Variants in SDK1 observed in about 807,000 individuals in gnomAD.
SDK1 encodes sidekick cell adhesion molecule 1, also known as protein sidekick-1.
A neutral mutation model predicts 245.5 loss-of-function variants in SDK1; 157 were observed. The observed-to-expected ratio is 0.64, with a 90% CI of 0.56 to 0.73. SDK1 has a LOEUF of 0.73. Ranked by LOEUF, SDK1 falls within the 30% of genes least tolerant of loss-of-function variation. The pLI is 0.00. For synonymous variants in SDK1, 1,647 were observed against 1,278.5 expected (o/e 1.29, Z -6.15); for missense variants, 3,583 against 3,002.3 (o/e 1.19, Z -4.52).
intron 22 of SDK1, among the ~76,000 whole-genome samples, chr7:4,093,679 C>CG (rs1781951585): frequency 6.6e-6 from 1 of 152,158 alleles, no homozygotes; most frequent in South Asian, 2.1e-4. Context: ...CCGGCGGCGT[C>CG]GACAGCGACA....
chr7:3,619,322 G>T lies in SDK1; in HGVS notation c.458+83G>T, dbSNP rs773080081. 9 of 1,155,908 alleles carry T rather than the reference G, an allele frequency of 7.8e-6. No individual in the cohort carries two copies. In the East Asian group the frequency reaches 1.9e-4, roughly 25 times the overall value. The allele number at this position is 1,155,908 out of a possible 1,614,324, so 71.6% of individuals were successfully genotyped here. On this transcript the variant is annotated intron_variant, in intron 2 of 44. Transcript: ENST00000404826. ...GCCTTACTGGTCATAATAGCACAAT[G>T]AGTGAAAATATTGGATTGAATTTCT...
rs533518307 is a variant in SDK1, at chr7:3,760,337, T to C, written c.714-61113T>C. Among the ~76,000 whole-genome samples the C allele has an allele frequency of 2.5e-4, 38 of 152,320 alleles. No homozygotes were observed. In the South Asian group the frequency reaches 5.8e-3, roughly 23 times the overall value. On this transcript the variant is annotated intron_variant, in intron 4 of 44. Transcript: ENST00000404826. ...CAATTACCAACCACAGCAATGTGCA[T>C]GCATACATTCCCCTTGTTGACCTGT...
chr7:3,564,785 GTTGGTTCTT>G (rs1404779497), intron 1 of SDK1, among the ~76,000 whole-genome samples: 1 of 152,068 alleles, frequency 6.6e-6, no homozygotes, highest in African/African-American at 2.4e-5. Context: ...ACTTTAGAAA[GTTGGTTCTT>G]TTATGAACTA....
chr7:3,958,060 T>A (rs779621349), intron 7 of SDK1: 9 of 469,404 alleles, frequency 1.9e-5, no homozygotes, highest in South Asian at 6.2e-5. Context: ...GTTTTAAAGA[T>A]ACAGTCAATA....
chr7:4,122,137 C>T (rs945920426), intron 25 of SDK1, among the ~76,000 whole-genome samples: 5 of 152,128 alleles, frequency 3.3e-5, no homozygotes, highest in African/African-American at 1.2e-4. Flanking sequence ...TCCGCTCCCC[C>T]TCCTTGTGTT....
In SDK1 at chr7:3,615,458, G is replaced by A. The variant is rs191385289; in HGVS notation, c.299-3622G>A. On this transcript the variant is annotated intron_variant, in intron 1 of 44. Transcript: ENST00000404826. Reference sequence around the variant, plus strand: ...GAACTCTTGGAACAGGACAAGGCTCGACAACTCCTGACTTTGAGTTACATG... The same window carrying A: ...GAACTCTTGGAACAGGACAAGGCTCAACAACTCCTGACTTTGAGTTACATG... 7.2e-5 allele frequency among the ~76,000 whole-genome samples: 11 copies of A among 151,782 alleles called. 1 individual carries two copies. Among genetic ancestry groups the A allele is most frequent in the Admixed American group, 1.3e-4 (2 of 15,208 alleles).
At chr7:3,848,741 G>A (rs1229788298) in intron 5 of SDK1, among the ~76,000 whole-genome samples, 10 of 151,634 alleles carry the variant, frequency 6.6e-5, no homozygotes, top group Non-Finnish European at 1.2e-4. Flanking sequence ...GCGCGATCAC[G>A]GCTCACTGCA....
chr7:4,208,476 C>G lies in SDK1; in HGVS notation c.5401+191C>G, dbSNP rs371418881. On this transcript the variant is annotated intron_variant, in intron 37 of 44. Transcript: ENST00000404826. ...TGTTCTCCCTGTGCCTGGCCTCAGA[C>G]TGGTACACAGTGGCGCTAAATAAAT... Among the ~76,000 whole-genome samples, 9 of 152,352 alleles carry G rather than the reference C, an allele frequency of 5.9e-5. 1 individual carries two copies. In the South Asian group the frequency reaches 1.9e-3, roughly 32 times the overall value.
intron 4 of SDK1, among the ~76,000 whole-genome samples, chr7:3,654,751 T>C (rs1295226262): frequency 6.6e-6 from 1 of 152,228 alleles, no homozygotes; most frequent in Admixed American, 6.5e-5. Flanking sequence ...TAGAATTGCT[T>C]GGTTCCATTC....
At chr7:4,166,923 C>T (rs1781534454) in intron 32 of SDK1, among the ~76,000 whole-genome samples, 1 of 152,190 alleles carries the variant, frequency 6.6e-6, no homozygotes, top group Admixed American at 6.5e-5. Flanking sequence ...ACCGTTCAGG[C>T]AGCTGGAAGG....
chr7:3,892,724 C>T (rs11982345), intron 5 of SDK1, among the ~76,000 whole-genome samples: 30,607 of 152,094 alleles, frequency 0.2, 3,215 homozygotes, highest in Middle Eastern at 0.33. Flanking sequence ...ACCCTGAGAC[C>T]GGAGGCCCTC....
At chr7:3,508,753 G>A (rs1012527295) in intron 1 of SDK1, among the ~76,000 whole-genome samples, 4 of 152,164 alleles carry the variant, frequency 2.6e-5, no homozygotes, top group Non-Finnish European at 5.9e-5. Context: ...AAATTGCCTT[G>A]TAGTGCATTG....
intron 4 of SDK1, among the ~76,000 whole-genome samples, chr7:3,741,155 ACT>A (rs1182728919): frequency 6.6e-6 from 1 of 152,034 alleles, no homozygotes; most frequent in African/African-American, 2.4e-5. Context: ...TGTGCTGAGC[ACT>A]CTCTGAAGTG....
chr7:3,820,748 C>T (rs1382157653), intron 4 of SDK1, among the ~76,000 whole-genome samples: 4 of 152,130 alleles, frequency 2.6e-5, no homozygotes, highest in Admixed American at 6.5e-5. Context: ...GCCTCAGTGG[C>T]GCAGAGAAAG....
intron 41 of SDK1, among the ~76,000 whole-genome samples, chr7:4,234,545 C>G (rs897068101): frequency 6.6e-6 from 1 of 152,142 alleles, no homozygotes; most frequent in Non-Finnish European, 1.5e-5. Context: ...GTCCTGGTCA[C>G]TGAAGAGCCG....
At chr7:3,917,801 C>G (rs181763393) in intron 5 of SDK1, among the ~76,000 whole-genome samples, 6 of 152,300 alleles carry the variant, frequency 3.9e-5, no homozygotes, top group African/African-American at 1.4e-4. Context: ...ACATTATCTA[C>G]ACACATGCAC....
rs147556950 is a variant in SDK1, at chr7:4,204,699, C to T, written c.5099-1180C>T. Among the ~76,000 whole-genome samples, 581 of 152,294 alleles carry T rather than the reference C, an allele frequency of 3.8e-3. 2 individuals carry two copies. Among genetic ancestry groups the T allele is most frequent in the African/African-American group, 0.012 (508 of 41,568 alleles). On this transcript the variant is annotated intron_variant, in intron 35 of 44. Coordinates refer to ENST00000404826, the MANE Select transcript of SDK1 (RefSeq NM_152744.4). ...AGGCTGCACTCCTGGGCCGCAGCCC[C>T]GGCGGCAGGCGGAGAGGAGTGCTCG...
chr7:3,782,694 C>G (rs987189430), intron 4 of SDK1, among the ~76,000 whole-genome samples: 2 of 152,084 alleles, frequency 1.3e-5, no homozygotes, highest in Non-Finnish European at 2.9e-5. Flanking sequence ...TTATATTTTA[C>G]AATAAAGTGT....
At chr7:3,803,298 T>A (rs1293866901) in intron 4 of SDK1, among the ~76,000 whole-genome samples, 2 of 101,342 alleles carry the variant, frequency 2.0e-5, no homozygotes, top group Admixed American at 1.1e-4. Context: ...TCTTTTCTTT[T>A]CTTTCTTTCT....
Sources: gnomAD v4.1 joint callset for allele counts (sites outside exome capture counted in the v4.1 genomes callset) on GRCh38, gnomAD v4.1.1 for gene constraint, MANE v1.5 for transcripts, NCBI Gene and HGNC (gene_info 2026-07-23, HGNC 2026-07-21) for gene names.